Variants in SGCD observed in about 807,000 individuals in gnomAD.
SGCD encodes sarcoglycan delta.
A neutral mutation model predicts 36.6 loss-of-function variants in SGCD; 18 were observed. The ratio of observed to expected loss-of-function variants is 0.49; its 90% CI spans 0.34 to 0.73. SGCD has a LOEUF of 0.73. SGCD is among the 30% of genes least tolerant of loss of function. SGCD has a pLI of 0.01. For synonymous variants in SGCD, 133 were observed against 130.6 expected, an observed-to-expected ratio of 1.02 and a Z score of -0.12; for missense variants, 387 against 346.7, an observed-to-expected ratio of 1.12 and a Z score of -0.92.
chr5:156,513,851 A>T (rs1757043239), intron 4 of SGCD, among the ~76,000 whole-genome samples: 1 of 152,230 alleles, frequency 6.6e-6, no homozygotes, highest in Admixed American at 6.5e-5. Context: ...TTTCAGCCAC[A>T]TGGATGTACA....
At chr5:156,588,062 A>AAAAGCC (rs1350612916) in intron 4 of SGCD, among the ~76,000 whole-genome samples, 1 of 151,912 alleles carries the variant, frequency 6.6e-6, no homozygotes. Context: ...CAAAGGTTCC[A>AAAAGCC]AAAGCCAGGA....
chr5:155,728,773 G>A, the SGCD span, among the ~76,000 whole-genome samples: 1 of 151,968 alleles, frequency 6.6e-6, no homozygotes, highest in African/African-American at 2.4e-5. Context: ...TCTCCCCGCC[G>A]CAGCCTGCGC....
At chr5:155,891,780 A>AT (rs1204646825) in intron 1 of SGCD, among the ~76,000 whole-genome samples, 1 of 151,980 alleles carries the variant, frequency 6.6e-6, no homozygotes, top group Non-Finnish European at 1.5e-5. Flanking sequence ...AATAGTTACC[A>AT]TGGCGGTTAA....
At chr5:156,751,476 A>G (rs1041924601) in intron 7 of SGCD, among the ~76,000 whole-genome samples, 2 of 152,236 alleles carry the variant, frequency 1.3e-5, no homozygotes, top group South Asian at 4.1e-4. Flanking sequence ...CTGCATTAAA[A>G]TGTAAAACCT....
In SGCD at chr5:156,760,949, C is replaced by CAAAG. The variant is rs1186866162; in HGVS notation, c.*1561_*1564dup. The CAAAG allele has an allele frequency of 6.6e-6, 1 of 152,304 alleles. No homozygotes were observed. The allele number at this position is 152,304 out of a possible 1,614,324, so 9.4% of individuals were successfully genotyped here. A position where few individuals can be genotyped will look rare whatever the true frequency, so the allele number is the denominator to read the frequency against. On this transcript the variant is annotated 3_prime_UTR_variant, in exon 9 of 9. Coordinates refer to ENST00000337851, the MANE Select transcript of SGCD (RefSeq NM_000337.6). ...AATGGCTGGCAGATGATGTGGATTT[C>CAAAG]AAAGAGCCCAGAATGAACTCATCAC...
intron 3 of SGCD, among the ~76,000 whole-genome samples, chr5:156,174,426 G>A (rs138741372): frequency 6.6e-6 from 1 of 152,154 alleles, no homozygotes; most frequent in East Asian, 1.9e-4. Flanking sequence ...TGAACTGTGG[G>A]GAACAGGGCC....
intron 1 of SGCD, among the ~76,000 whole-genome samples, chr5:155,996,963 C>T (rs902206105): frequency 6.6e-6 from 1 of 151,908 alleles, no homozygotes. Context: ...ATACCTATGT[C>T]TCCATTCTGC....
At chr5:155,811,751 G>C in the SGCD span, among the ~76,000 whole-genome samples, 2 of 152,174 alleles carry the variant, frequency 1.3e-5, no homozygotes, top group African/African-American at 2.4e-5. Flanking sequence ...TTCTGGTTTC[G>C]CAGTGTCAAT....
the SGCD span, among the ~76,000 whole-genome samples, chr5:155,841,768 T>C: frequency 6.6e-6 from 1 of 152,096 alleles, no homozygotes; most frequent in African/African-American, 2.4e-5. Flanking sequence ...ATAATAATGG[T>C]TTAGGAGGAT....
chr5:156,553,418 G>A (rs1195202277), intron 4 of SGCD, among the ~76,000 whole-genome samples: 3 of 152,130 alleles, frequency 2.0e-5, no homozygotes, highest in Non-Finnish European at 4.4e-5. Context: ...CACCTGCCCA[G>A]ACCCATCCTA....
At position 156,125,412 on chromosome 5, in the gene SGCD, T is replaced by A. The variant is rs146830735; in HGVS notation, c.-44+1393T>A. On this transcript the variant is annotated intron_variant, in intron 3 of 9. Transcript: ENST00000517913. ...TGTGGTGTATGCTCTTAGCTAGTCA[T>A]GAATGGGCCTTCCTTTGAGGATGAA... 1.4e-3 allele frequency among the ~76,000 whole-genome samples: 213 copies of A among 152,120 alleles called. 1 individual carries two copies. Among genetic ancestry groups the A allele is most frequent in the African/African-American group, 4.8e-3 (200 of 41,496 alleles).
In SGCD at chr5:156,765,956, T is replaced by A. The variant is rs1373155451; in HGVS notation, c.*6566T>A. On this transcript the variant is annotated 3_prime_UTR_variant, in exon 9 of 9. Coordinates refer to ENST00000337851, the MANE Select transcript of SGCD (RefSeq NM_000337.6). ...AGTATAGATACCTAAGGGGAAAATA[T>A]AGAAAGCCTGCCTGAATAATAGAAT... 1 of 149,050 alleles carries A rather than the reference T, an allele frequency of 6.7e-6. No homozygotes were observed. Among genetic ancestry groups the A allele is most frequent in the Non-Finnish European group, 1.5e-5 (1 of 67,474 alleles). 9.2% of individuals were successfully genotyped at this position (149,050 alleles called of 1,614,324 possible). A position where few individuals can be genotyped will look rare whatever the true frequency, so the allele number is the denominator to read the frequency against.
intron 1 of SGCD, among the ~76,000 whole-genome samples, chr5:155,993,978 A>G (rs1758488481): frequency 6.6e-6 from 1 of 152,206 alleles, no homozygotes; most frequent in Non-Finnish European, 1.5e-5. Flanking sequence ...TACCAAGGTC[A>G]GGTTGAAAAA....
intron 1 of SGCD, among the ~76,000 whole-genome samples, chr5:155,976,236 T>G (rs185599927): frequency 6.6e-6 from 1 of 152,136 alleles, no homozygotes; most frequent in East Asian, 1.9e-4. Flanking sequence ...TTTGTCTCTA[T>G]AAAAATAGGT....
intron 4 of SGCD, among the ~76,000 whole-genome samples, chr5:156,577,546 G>T (rs1760021982): frequency 6.6e-6 from 1 of 152,186 alleles, no homozygotes; most frequent in Admixed American, 6.5e-5. Flanking sequence ...TCCTATCCAT[G>T]AGCGTGGAAT....
At chr5:156,196,334 A>G (rs1036198790) in intron 3 of SGCD, among the ~76,000 whole-genome samples, 7 of 152,178 alleles carry the variant, frequency 4.6e-5, no homozygotes, top group African/African-American at 1.7e-4. Context: ...AACATTACCC[A>G]TAAGACCCCA....
chr5:156,681,806 G>T (rs1267812471), intron 7 of SGCD, among the ~76,000 whole-genome samples: 5 of 152,130 alleles, frequency 3.3e-5, no homozygotes, highest in African/African-American at 9.7e-5. Context: ...GTTTTTAAAG[G>T]TTTCATTATT....
At chr5:156,447,788 C>T (rs576123515) in intron 3 of SGCD, among the ~76,000 whole-genome samples, 1 of 152,290 alleles carries the variant, frequency 6.6e-6, no homozygotes, top group Middle Eastern at 3.4e-3. Context: ...GCGCATCCTG[C>T]ACATGTATCC....
chr5:156,624,601 A>G (rs1762376114), intron 6 of SGCD, among the ~76,000 whole-genome samples: 1 of 152,122 alleles, frequency 6.6e-6, no homozygotes, highest in African/African-American at 2.4e-5. Context: ...AATAAAATAT[A>G]AAAATAACCA....
Sources: gnomAD v4.1 joint callset for allele counts (sites outside exome capture counted in the v4.1 genomes callset) on GRCh38, gnomAD v4.1.1 for gene constraint, MANE v1.5 for transcripts, NCBI Gene and HGNC (gene_info 2026-07-23, HGNC 2026-07-21) for gene names.